The following FRYL variants were observed in gnomAD, a reference collection of about 807,000 sequenced individuals.
FRYL encodes the protein protein furry homolog-like.
In FRYL, 150 loss-of-function variants were observed where a neutral mutation model predicts 351.2. That is an observed-to-expected ratio of 0.43 (90% CI 0.37 to 0.49). FRYL has a LOEUF of 0.49. Ranked by LOEUF, FRYL falls within the 20% of genes least tolerant of loss-of-function variation. FRYL has a pLI of 0.00. For missense variants in FRYL, 3,036 were observed against 3,619.3 expected, an observed-to-expected ratio of 0.84 and a Z score of 4.13; for synonymous variants, 1,153 against 1,257.1, an observed-to-expected ratio of 0.92 and a Z score of 1.75.
intron 2 of FRYL, among the ~76,000 whole-genome samples, chr4:48,700,566 C>T (rs1220426809): frequency 1.3e-5 from 2 of 152,046 alleles, no homozygotes; most frequent in African/African-American, 2.4e-5. Context: ...CTTGGGGAGG[C>T]TGAGGTGGGA....
intron 53 of FRYL, among the ~76,000 whole-genome samples, chr4:48,525,886 T>C (rs1726065613): frequency 6.6e-6 from 1 of 152,100 alleles, no homozygotes; most frequent in Admixed American, 6.6e-5. Flanking sequence ...TATATGTATA[T>C]ATGTACATGA....
intron 2 of FRYL, among the ~76,000 whole-genome samples, chr4:48,707,054 T>C (rs1038207386): frequency 1.3e-5 from 2 of 152,168 alleles, no homozygotes; most frequent in African/African-American, 4.8e-5. Context: ...GAGACAATAA[T>C]GTCACTGTGT....
intron 7 of FRYL, chr4:48,617,562 A>C (rs1292808325): frequency 1.3e-5 from 2 of 151,948 alleles, no homozygotes; most frequent in Non-Finnish European, 2.9e-5. Context: ...CCCACTACTA[A>C]AAAAAGTGTT....
chr4:48,582,849 TATGAAG>T, intron 19 of FRYL, 115 bp from the exon 20 acceptor site: 1 of 718,716 alleles, frequency 1.4e-6, no homozygotes. Flanking sequence ...TTGTAAGAAA[TATGAAG>T]ATAGCAACCA....
intron 31 of FRYL, 105 bp downstream of exon 31, chr4:48,563,843 C>T: frequency 8.1e-7 from 1 of 1,241,620 alleles, no homozygotes; most frequent in South Asian, 1.6e-5. Flanking sequence ...CCCACAGATA[C>T]TGAAGGACAA....
rs1402389785 is a variant in FRYL, at chr4:48,592,726, T to C, written c.1335+1204A>G. ...TACCTTCTACACCCACTGGGATACA[T>C]GTACCCCCAACAAGTTAAGTATGTC... On this transcript the variant is annotated intron_variant, in intron 16 of 63. Coordinates refer to ENST00000358350, the MANE Select transcript of FRYL (RefSeq NM_015030.2). Among the ~76,000 whole-genome samples, 4 of 152,308 alleles carry C rather than the reference T, an allele frequency of 2.6e-5. No homozygotes were observed. In the South Asian group the frequency reaches 6.2e-4, roughly 24 times the overall value.
At chr4:48,665,707 T>C (rs969609030) in intron 3 of FRYL, among the ~76,000 whole-genome samples, 9 of 152,228 alleles carry the variant, frequency 5.9e-5, no homozygotes, top group African/African-American at 2.2e-4. Flanking sequence ...AGTGTGAATA[T>C]AGCAGAGCTG....
chr4:48,523,191 GATGAAAAATACTTA>G, intron 53 of FRYL, 87 bp from the exon 54 acceptor site: 1 of 869,866 alleles, frequency 1.1e-6, no homozygotes, highest in South Asian at 1.7e-5. Flanking sequence ...CATATACCAA[GATGAAAAATACTTA>G]ATGCATCATT....
chr4:48,516,991 A>G (rs146184593), intron 55 of FRYL, among the ~76,000 whole-genome samples: 36 of 152,342 alleles, frequency 2.4e-4, no homozygotes, highest in Middle Eastern at 3.4e-3. Context: ...TAACGCCATG[A>G]AAACACAAAG....
At chr4:48,503,661 C>T (rs1400055375) in intron 60 of FRYL, among the ~76,000 whole-genome samples, 1 of 152,102 alleles carries the variant, frequency 6.6e-6, no homozygotes, top group Admixed American at 6.5e-5. Context: ...CATTCTTAAG[C>T]CTGCTTTTCT....
At chr4:48,653,998 G>T in intron 3 of FRYL, 1 of 1,007,400 alleles carries the variant, frequency 9.9e-7, no homozygotes, top group Non-Finnish European at 1.3e-6. Flanking sequence ...GAATGCAGAT[G>T]AACTATCCAG....
chr4:48,571,247 T>A (rs1738252931), intron 26 of FRYL, among the ~76,000 whole-genome samples: 1 of 152,072 alleles, frequency 6.6e-6, no homozygotes, highest in Non-Finnish European at 1.5e-5. Context: ...TTATAAGGAA[T>A]CCCTAATACC....
At chr4:48,554,342 CTTT>C (rs1035961712) in intron 35 of FRYL, among the ~76,000 whole-genome samples, 1 of 145,166 alleles carries the variant, frequency 6.9e-6, no homozygotes, top group Non-Finnish European at 1.5e-5. Flanking sequence ...CAACCAAATT[CTTT>C]TTTTTTTTTT....
chr4:48,501,146 T>G (rs1215845438), intron 62 of FRYL, among the ~76,000 whole-genome samples: 1 of 145,954 alleles, frequency 6.9e-6, no homozygotes, highest in Non-Finnish European at 1.5e-5. Context: ...GGGAGGGGGG[T>G]TGATGATACA....
At chr4:48,581,045 T>C in intron 21 of FRYL, 94 bp from the exon 22 acceptor site, 1 of 137,024 alleles carries the variant, frequency 7.3e-6, no homozygotes, top group Non-Finnish European at 1.4e-5. Context: ...TTCAGCACTA[T>C]TTTTTTTTTT....
At chr4:48,728,928 C>T (rs1321918990) in intron 1 of FRYL, among the ~76,000 whole-genome samples, 1 of 152,232 alleles carries the variant, frequency 6.6e-6, no homozygotes, top group Non-Finnish European at 1.5e-5. Flanking sequence ...GTCACCTCAC[C>T]TGGGAAATGC....
At chr4:48,578,639 T>C (rs569986452) in intron 23 of FRYL, among the ~76,000 whole-genome samples, 1 of 152,304 alleles carries the variant, frequency 6.6e-6, no homozygotes, top group South Asian at 2.1e-4. Flanking sequence ...ACCCTTTATC[T>C]ACAAACTTCT....
intron 3 of FRYL, among the ~76,000 whole-genome samples, chr4:48,659,432 A>G (rs1421847440): frequency 2.4e-3 from 9 of 3,798 alleles, no homozygotes; most frequent in Admixed American, 5.8e-3. Flanking sequence ...GGAGAAGAGG[A>G]AGAGGAAGAG....
chr4:48,718,082 T>C (rs919574446), intron 1 of FRYL, among the ~76,000 whole-genome samples: 4 of 151,612 alleles, frequency 2.6e-5, no homozygotes, highest in African/African-American at 7.3e-5. Flanking sequence ...AATTTCCTTG[T>C]AGGGGAAAGG....
Sources: allele counts gnomAD v4.1 joint callset (sites outside exome capture counted in the v4.1 genomes callset), GRCh38; gene constraint gnomAD v4.1.1; transcripts MANE v1.5; gene names NCBI Gene and HGNC (gene_info 2026-07-23, HGNC 2026-07-21).